The following SORBS2 variants were observed in gnomAD, a reference collection of about 807,000 sequenced individuals.
SORBS2 encodes sorbin and SH3 domain-containing protein 2.
In SORBS2, 46 loss-of-function variants were observed where a neutral mutation model predicts 97.7. The observed-to-expected ratio is 0.47, with a 90% CI of 0.37 to 0.60. SORBS2 has a LOEUF of 0.60. SORBS2 is among the 20% of genes least tolerant of loss of function. The probability of loss-of-function intolerance (pLI) is 0.00; values close to 1 mark genes in which losing one functional copy is unlikely to be tolerated. For synonymous variants in SORBS2, 476 were observed against 473.4 expected (o/e 1.01, Z -0.07); for missense variants, 1,316 against 1,282.3 (o/e 1.03, Z -0.40).
At chr4:185,650,608 C>A (rs958999232) in intron 2 of SORBS2, among the ~76,000 whole-genome samples, 3 of 152,176 alleles carry the variant, frequency 2.0e-5, no homozygotes, top group Non-Finnish European at 4.4e-5. Context: ...TTTTCCTGCA[C>A]CCAATCATTG....
intron 1 of SORBS2, among the ~76,000 whole-genome samples, chr4:185,832,729 G>C (rs927969486): frequency 6.6e-6 from 1 of 152,190 alleles, no homozygotes; most frequent in Non-Finnish European, 1.5e-5. Context: ...GTTACCAGCA[G>C]TCTATGAAAC....
intron 1 of SORBS2, among the ~76,000 whole-genome samples, chr4:185,813,533 G>T (rs1314930723): frequency 3.9e-5 from 6 of 152,168 alleles, no homozygotes; most frequent in Non-Finnish European, 8.8e-5. Context: ...AAGTTATTTT[G>T]CATTTGCTGT....
intron 1 of SORBS2, among the ~76,000 whole-genome samples, chr4:185,860,112 C>T (rs375738247): frequency 6.6e-6 from 1 of 151,948 alleles, no homozygotes; most frequent in African/African-American, 2.4e-5. Flanking sequence ...CCACTACATA[C>T]GAAAAAGGAT....
At chr4:185,944,132 C>T (rs902064215) in intron 1 of SORBS2, among the ~76,000 whole-genome samples, 1 of 152,178 alleles carries the variant, frequency 6.6e-6, no homozygotes. Flanking sequence ...TATAACTGAT[C>T]ATATATGCTT....
chr4:185,948,895 C>T (rs567667266), intron 1 of SORBS2, among the ~76,000 whole-genome samples: 5 of 151,288 alleles, frequency 3.3e-5, no homozygotes, highest in African/African-American at 9.7e-5. Flanking sequence ...TTCTTTTTCT[C>T]GTAAGGTGAA....
rs116384965 is a variant in SORBS2, at chr4:185,672,226, T to A, written c.-46+6197A>T. ...TACTGATCCCATGGAGCAAAAGAAA[T>A]GAGTTTCCTCTCCCTTCTACATGAC... On this transcript the variant is annotated intron_variant, in intron 4 of 20. Transcript: ENST00000284776. Among the ~76,000 whole-genome samples the A allele has an allele frequency of 1.8e-3, 273 of 152,338 alleles. 1 individual carries two copies. The highest frequency in any genetic ancestry group is 6.3e-3 in the African/African-American group (263 of 41,580).
chr4:185,871,334 C>T (rs953110121), intron 1 of SORBS2, among the ~76,000 whole-genome samples: 15 of 151,936 alleles, frequency 9.9e-5, no homozygotes, highest in Non-Finnish European at 1.6e-4. Context: ...ATCCTTAGAG[C>T]GAAAATACAA....
chr4:185,703,938 T>A, intron 2 of SORBS2, among the ~76,000 whole-genome samples: 3 of 152,196 alleles, frequency 2.0e-5, no homozygotes, highest in Non-Finnish European at 4.4e-5. Flanking sequence ...ACAGATTAAC[T>A]CTAGGTCAAG....
intron 1 of SORBS2, among the ~76,000 whole-genome samples, chr4:185,816,038 C>T (rs1016563426): frequency 9.2e-5 from 14 of 152,180 alleles, no homozygotes; most frequent in Admixed American, 2.0e-4. Context: ...AAAGTGATTA[C>T]TACCATTACT....
intron 1 of SORBS2, among the ~76,000 whole-genome samples, chr4:185,824,930 CA>C (rs1445025897): frequency 6.6e-6 from 1 of 152,194 alleles, no homozygotes; most frequent in Non-Finnish European, 1.5e-5. Flanking sequence ...GATCCCTACA[CA>C]TGGTTTCTGA....
chr4:185,841,105 GGAA>G (rs1373204580), intron 1 of SORBS2, among the ~76,000 whole-genome samples: 3 of 152,196 alleles, frequency 2.0e-5, no homozygotes, highest in African/African-American at 7.2e-5. Context: ...GCGGCATTGC[GGAA>G]GAACAAAGAT....
At chr4:185,935,709 T>C (rs1053436318) in intron 1 of SORBS2, among the ~76,000 whole-genome samples, 1 of 152,074 alleles carries the variant, frequency 6.6e-6, no homozygotes, top group African/African-American at 2.4e-5. Flanking sequence ...TTGAGATATG[T>C]ATATGGGTGG....
chr4:185,951,360 A>G (rs954957658), intron 1 of SORBS2, among the ~76,000 whole-genome samples: 1 of 152,168 alleles, frequency 6.6e-6, no homozygotes, highest in African/African-American at 2.4e-5. Flanking sequence ...CGTGGGATCC[A>G]TCACCCTGCC....
chr4:185,806,814 A>G (rs976299716), intron 1 of SORBS2, among the ~76,000 whole-genome samples: 4 of 152,158 alleles, frequency 2.6e-5, no homozygotes, highest in African/African-American at 7.2e-5. Context: ...CCTTGCAGCT[A>G]TATTAGTCTC....
intron 1 of SORBS2, among the ~76,000 whole-genome samples, chr4:185,853,189 A>G (rs2099218884): frequency 6.6e-6 from 1 of 152,216 alleles, no homozygotes; most frequent in South Asian, 2.1e-4. Context: ...TTGGAGTTTC[A>G]GATAAATAAT....
At chr4:185,812,593 C>G (rs2099188699) in intron 1 of SORBS2, among the ~76,000 whole-genome samples, 1 of 152,202 alleles carries the variant, frequency 6.6e-6, no homozygotes, top group South Asian at 2.1e-4. Context: ...GCCCCACCTT[C>G]CAGTCATAGA....
rs1032083276 is a variant in SORBS2 at position 185,694,066 on chromosome 4, A to C, written c.-197-15244T>G. Among the ~76,000 whole-genome samples the C allele has an allele frequency of 2.3e-4, 35 of 152,242 alleles. 1 individual carries two copies. Among genetic ancestry groups the C allele is most frequent in the Admixed American group, 2.3e-3 (35 of 15,290 alleles). On this transcript the variant is annotated intron_variant, in intron 2 of 20. Coordinates refer to the SORBS2 transcript ENST00000284776. ...GAATCCCAGTGATTGAGCTCTCAAG[A>C]AGAACCTGAAACCGAAAGGCTTCTT...
At chr4:185,877,971 A>C (rs1283084712) in intron 1 of SORBS2, among the ~76,000 whole-genome samples, 1 of 152,040 alleles carries the variant, frequency 6.6e-6, no homozygotes, top group Non-Finnish European at 1.5e-5. Flanking sequence ...AGTATCCTAA[A>C]AGGCATAACA....
chr4:185,927,053 T>C (rs1481030201), intron 1 of SORBS2, among the ~76,000 whole-genome samples: 1 of 151,012 alleles, frequency 6.6e-6, no homozygotes, highest in Admixed American at 6.6e-5. Flanking sequence ...ATGTGATATA[T>C]ATGAAATATG....
Sources: gnomAD v4.1 joint callset for allele counts (sites outside exome capture counted in the v4.1 genomes callset) on GRCh38, gnomAD v4.1.1 for gene constraint, MANE v1.5 for transcripts, NCBI Gene and HGNC (gene_info 2026-07-23, HGNC 2026-07-21) for gene names.